The following SLC1A1 variants were observed in gnomAD, a reference collection of about 807,000 sequenced individuals.
SLC1A1 encodes the protein solute carrier family 1 member 1, also known as excitatory amino acid transporter 3.
A neutral mutation model predicts 53.3 loss-of-function variants in SLC1A1; 43 were observed. The observed-to-expected ratio is 0.81, with a 90% CI of 0.63 to 1.04. SLC1A1 has a LOEUF of 1.04. SLC1A1 is among the 50% of genes least tolerant of loss of function. SLC1A1 has a pLI of 0.00. For missense variants in SLC1A1, 748 were observed against 664.9 expected (o/e 1.12, Z -1.37); for synonymous variants, 307 against 243.2 (o/e 1.26, Z -2.44).
chr9:4,564,563 C>A (rs1322170858), intron 4 of SLC1A1, 105 bp downstream of exon 4: 2 of 767,762 alleles, frequency 2.6e-6, no homozygotes, highest in East Asian at 2.7e-5. Context: ...TTTTTAATAA[C>A]TTTTGAATTA....
intron 1 of SLC1A1, among the ~76,000 whole-genome samples, chr9:4,500,600 T>C (rs1937967645): frequency 6.6e-6 from 1 of 152,156 alleles, no homozygotes; most frequent in African/African-American, 2.4e-5. Flanking sequence ...TGTGAGCCAC[T>C]GCACTGCGCC....
intron 1 of SLC1A1, among the ~76,000 whole-genome samples, chr9:4,544,288 T>G (rs987830690): frequency 6.6e-6 from 1 of 152,200 alleles, no homozygotes; most frequent in Non-Finnish European, 1.5e-5. Context: ...ACAGTATTCT[T>G]TGATATTTTG....
chr9:4,554,003 G>A (rs1228206989), intron 2 of SLC1A1: 1 of 152,004 alleles, frequency 6.6e-6, no homozygotes, highest in Non-Finnish European at 1.5e-5. Context: ...TTTTCTCTGG[G>A]GAATAAAAGA....
intron 2 of SLC1A1, among the ~76,000 whole-genome samples, chr9:4,551,394 T>C (rs1012540095): frequency 6.6e-6 from 1 of 152,024 alleles, no homozygotes; most frequent in Admixed American, 6.6e-5. Flanking sequence ...AAACCAGGTA[T>C]AAGAGGGTGA....
At chr9:4,567,792 C>T (rs1391230519) in intron 6 of SLC1A1, 25 bp downstream of exon 6, 2 of 1,382,074 alleles carry the variant, frequency 1.4e-6, no homozygotes, top group Middle Eastern at 1.8e-4. Flanking sequence ...TCCTGTTCCT[C>T]TTCCCCAGGA....
rs955562308 is a variant in SLC1A1 at position 4,587,199 on chromosome 9, A to C, written c.*1641A>C. ...CATCATAAATAGTAAATAATGATTC[A>C]ATGTGAATTTTAAAATGCAAATATT... On this transcript the variant is annotated 3_prime_UTR_variant, in exon 12 of 12. Transcript: ENST00000262352. The C allele has an allele frequency of 6.6e-6, 1 of 152,576 alleles. No individual in the cohort carries two copies. Among genetic ancestry groups the C allele is most frequent in the Non-Finnish European group, 1.5e-5 (1 of 68,038 alleles). The allele number at this position is 152,576 out of a possible 1,614,324, so 9.5% of individuals were successfully genotyped here.
intron 1 of SLC1A1, among the ~76,000 whole-genome samples, chr9:4,520,203 A>C (rs1158505843): frequency 1.3e-5 from 2 of 152,184 alleles, no homozygotes; most frequent in Non-Finnish European, 2.9e-5. Context: ...TGAGACTTTC[A>C]GATCTGATAG....
At chr9:4,550,932 G>T (rs1225497461) in intron 2 of SLC1A1, among the ~76,000 whole-genome samples, 4 of 152,148 alleles carry the variant, frequency 2.6e-5, no homozygotes, top group African/African-American at 9.7e-5. Context: ...ATGATTGAGG[G>T]TGACTGTGTG....
chr9:4,582,723 T>C (rs1001827505), intron 10 of SLC1A1, among the ~76,000 whole-genome samples: 1 of 152,182 alleles, frequency 6.6e-6, no homozygotes, highest in Non-Finnish European at 1.5e-5. Flanking sequence ...TTTAGTAAAC[T>C]CCTGCTTTCC....
Position 4,576,671 on chromosome 9 carries a change from G to A in SLC1A1, c.1101G>A (p.Met367Ile). ...FVLPVGATIN[M>I]DGTALYEAVA... is the part of the protein sequence containing the mutation. ...TACCCGTTGGTGCAACAATCAACAT[G>A]GATGGGACTGCGCTCTATGAAGCAG... is the stretch of plus-strand genomic sequence containing the variant. The change falls in exon 10 of 12, where the codon ATG becomes ATA. Residue 367 changes from methionine (M) to isoleucine (I), a missense_variant. Transcript: ENST00000262352. 1 of 1,614,134 alleles carries A rather than the reference G, an allele frequency of 6.2e-7. No homozygotes were observed. The highest frequency in any genetic ancestry group is 8.5e-7 in the Non-Finnish European group (1 of 1,179,988).
At chr9:4,511,651 C>G (rs1821005983) in intron 1 of SLC1A1, among the ~76,000 whole-genome samples, 1 of 151,732 alleles carries the variant, frequency 6.6e-6, no homozygotes, top group Non-Finnish European at 1.5e-5. Flanking sequence ...ATGCTTTCCC[C>G]CTAAGAGCAG....
chr9:4,516,558 C>T (rs1173086583), intron 1 of SLC1A1, among the ~76,000 whole-genome samples: 2 of 152,206 alleles, frequency 1.3e-5, no homozygotes. Flanking sequence ...TATCCCACTC[C>T]TGATGAAGTT....
chr9:4,498,184 G>A (rs1274610268), intron 1 of SLC1A1, among the ~76,000 whole-genome samples: 2 of 152,048 alleles, frequency 1.3e-5, no homozygotes, highest in Admixed American at 1.3e-4. Flanking sequence ...GAGCTAAGGG[G>A]GTTCAAAGGG....
At position 4,504,707 on chromosome 9, in the gene SLC1A1, TTG is replaced by T. The variant is rs369945180; in HGVS notation, c.91+13941_91+13942del. Among the ~76,000 whole-genome samples the T allele has an allele frequency of 5.8e-3, 891 of 152,336 alleles. 9 individuals carry two copies. The highest frequency in any genetic ancestry group is 0.021 in the African/African-American group (852 of 41,558). On this transcript the variant is annotated intron_variant, in intron 1 of 11. Transcript: ENST00000262352. ...GTGATTGGGTTTGAAAGATTTTTGA[TTG>T]TGTTATGGACAGTGCTCTTACTGGT...
In SLC1A1 at chr9:4,585,366, TG is replaced by T; in HGVS notation, c.1384del (p.Val462TrpfsTer21). On this transcript the variant is annotated frameshift_variant, in exon 12 of 12. Transcript: ENST00000262352. LOFTEE classifies it high-confidence loss of function. Reference sequence around the variant, plus strand: ...TTGGTGATGCTTTTGGGACGGGCATTGTGGAAAAGCTCTCCAAGAAGGAGCT... The same window carrying T: ...TTGGTGATGCTTTTGGGACGGGCATTTGGAAAAGCTCTCCAAGAAGGAGCT... ...VLGDAFGTGI[V>X]EKLSKKELEQ... 6.2e-7 allele frequency: 1 copy of T among 1,614,154 alleles called. No individual in the cohort carries two copies. The highest frequency in any genetic ancestry group is 8.5e-7 in the Non-Finnish European group (1 of 1,180,028).
intron 2 of SLC1A1, among the ~76,000 whole-genome samples, chr9:4,546,201 T>G (rs1299562501): frequency 1.3e-5 from 2 of 152,230 alleles, no homozygotes; most frequent in African/African-American, 2.4e-5. Flanking sequence ...TTAAATGGTC[T>G]TGATGTTCTC....
chr9:4,521,895 T>G (rs969388758), intron 1 of SLC1A1, among the ~76,000 whole-genome samples: 31 of 152,248 alleles, frequency 2.0e-4, no homozygotes, highest in Admixed American at 1.5e-3. Flanking sequence ...CATACCTTAG[T>G]GTCCAGTTGC....
chr9:4,521,741 G>A (rs1816079156), intron 1 of SLC1A1, among the ~76,000 whole-genome samples: 1 of 152,150 alleles, frequency 6.6e-6, no homozygotes, highest in Non-Finnish European at 1.5e-5. Context: ...TGGAAGGCCT[G>A]GAGCCTCACA....
chr9:4,561,241 G>T (rs956838411), intron 2 of SLC1A1, among the ~76,000 whole-genome samples: 1 of 152,218 alleles, frequency 6.6e-6, no homozygotes, highest in African/African-American at 2.4e-5. Context: ...GAAGCTGCCT[G>T]CAGGGGAACT....
Sources: allele counts gnomAD v4.1 joint callset (sites outside exome capture counted in the v4.1 genomes callset), GRCh38; gene constraint gnomAD v4.1.1; transcripts MANE v1.5; gene names NCBI Gene and HGNC (gene_info 2026-07-23, HGNC 2026-07-21).